Variants in GRIP1 observed in about 807,000 individuals in gnomAD.
The protein encoded by GRIP1 is glutamate receptor-interacting protein 1.
In GRIP1, 45 loss-of-function variants were observed where a neutral mutation model predicts 129.9. That is an observed-to-expected ratio of 0.35 (90% CI 0.27 to 0.44). The LOEUF is 0.44. GRIP1 is among the 20% of genes least tolerant of loss of function. The probability of loss-of-function intolerance (pLI) is 1.00; values close to 1 mark genes in which losing one functional copy is unlikely to be tolerated. For synonymous variants in GRIP1, 530 were observed against 520.8 expected (o/e 1.02, Z -0.24); for missense variants, 1,196 against 1,396.8 (o/e 0.86, Z 2.29).
intron 1 of GRIP1, among the ~76,000 whole-genome samples, chr12:66,938,864 G>A (rs762888570): frequency 6.6e-6 from 1 of 152,200 alleles, no homozygotes; most frequent in Non-Finnish European, 1.5e-5. Context: ...GGCTGAGGCA[G>A]GAGAATTGCT....
chr12:66,817,828 A>T (rs1241182197), intron 1 of GRIP1, among the ~76,000 whole-genome samples: 1 of 152,234 alleles, frequency 6.6e-6, no homozygotes, highest in African/African-American at 2.4e-5. Context: ...AAAAATGCCT[A>T]AGACAGGCAT....
chr12:66,524,264 C>T (rs1327170047), intron 5 of GRIP1, among the ~76,000 whole-genome samples: 1 of 152,152 alleles, frequency 6.6e-6, no homozygotes, highest in Non-Finnish European at 1.5e-5. Flanking sequence ...CCAAAATTGA[C>T]CACATAGTTG....
intron 14 of GRIP1, among the ~76,000 whole-genome samples, chr12:66,422,617 T>G (rs2057846477): frequency 6.6e-6 from 1 of 152,184 alleles, no homozygotes; most frequent in Non-Finnish European, 1.5e-5. Context: ...AAATGGTCTG[T>G]AAAACCAAAC....
chr12:66,836,796 A>G (rs966373078), intron 1 of GRIP1, among the ~76,000 whole-genome samples: 2 of 152,218 alleles, frequency 1.3e-5, no homozygotes, highest in African/African-American at 4.8e-5. Context: ...GGCCTCATTT[A>G]CAGGCTGGCA....
chr12:66,541,163 G>A (rs1358222592), intron 3 of GRIP1, among the ~76,000 whole-genome samples: 4 of 152,060 alleles, frequency 2.6e-5, no homozygotes, highest in Non-Finnish European at 5.9e-5. Context: ...TTCTGAGGCA[G>A]ATTTAGAATG....
intron 1 of GRIP1, among the ~76,000 whole-genome samples, chr12:66,651,449 AT>A (rs1389067275): frequency 1.3e-5 from 2 of 152,230 alleles, no homozygotes; most frequent in Non-Finnish European, 2.9e-5. Flanking sequence ...TCCCGATGTC[AT>A]TTAGCTTTTT....
At chr12:66,771,271 ACT>A (rs1281289547) in intron 1 of GRIP1, among the ~76,000 whole-genome samples, 1 of 152,092 alleles carries the variant, frequency 6.6e-6, no homozygotes, top group Non-Finnish European at 1.5e-5. Flanking sequence ...TAATGATGAT[ACT>A]CTTATTCTCA....
intron 9 of GRIP1, among the ~76,000 whole-genome samples, chr12:66,462,141 T>C (rs2059154231): frequency 6.6e-6 from 1 of 152,214 alleles, no homozygotes; most frequent in Non-Finnish European, 1.5e-5. Flanking sequence ...CACTTTCTAT[T>C]GAATAAATGG....
At chr12:66,520,021 T>TTCTA (rs1275883263) in intron 5 of GRIP1, among the ~76,000 whole-genome samples, 15 of 152,330 alleles carry the variant, frequency 9.8e-5, no homozygotes, top group African/African-American at 3.4e-4. Flanking sequence ...GAATAAAGGT[T>TTCTA]TTAGAACCTG....
chr12:66,486,619 A>G (rs12579785), intron 7 of GRIP1, among the ~76,000 whole-genome samples: 5,935 of 152,116 alleles, frequency 0.039, 282 homozygotes, highest in East Asian at 0.12. Context: ...TCCACTTAAG[A>G]TGGGACTTGC....
chr12:66,586,824 C>T lies in GRIP1; in HGVS notation c.136+10023G>A, dbSNP rs573666774. On this transcript the variant is annotated intron_variant, in intron 2 of 24. Transcript: ENST00000359742. Reference sequence around the variant, plus strand: ...TCTAAGCCATCATCATTTCTTGCCTCAAATACTGTGGCAGCCTGCTAACTG... The same window carrying T: ...TCTAAGCCATCATCATTTCTTGCCTTAAATACTGTGGCAGCCTGCTAACTG... 4.6e-5 allele frequency among the ~76,000 whole-genome samples: 7 copies of T among 152,314 alleles called. No homozygotes were observed. In the South Asian group the frequency reaches 1.5e-3, roughly 32 times the overall value.
At chr12:66,516,673 T>C (rs2060852997) in intron 6 of GRIP1, among the ~76,000 whole-genome samples, 1 of 152,084 alleles carries the variant, frequency 6.6e-6, no homozygotes. Context: ...TAATAAGAAA[T>C]GAAAACATTC....
At position 66,401,598 on chromosome 12, in the gene GRIP1, G is replaced by GTATATATATATATATATA. The variant is rs1555177931; in HGVS notation, c.1984+4684_1984+4685insTATATATATATATATATA. ...CCGTCTCAAAAAAAAAAATATGTGT[G>GTATATATATATATATATA]TATATATATATACACACACACACAC... On this transcript the variant is annotated intron_variant, in intron 16 of 24. Transcript: ENST00000359742. Among the ~76,000 whole-genome samples, 23 of 66,268 alleles carry GTATATATATATATATATA rather than the reference G, an allele frequency of 3.5e-4. 1 individual carries two copies. The highest frequency in any genetic ancestry group is 2.6e-3 in the South Asian group (4 of 1,564). The allele number at this position is 66,268 out of a possible 152,430, so 43.5% of individuals were successfully genotyped here.
At chr12:66,580,865 C>A (rs1166213733) in intron 2 of GRIP1, among the ~76,000 whole-genome samples, 1 of 151,816 alleles carries the variant, frequency 6.6e-6, no homozygotes, top group Non-Finnish European at 1.5e-5. Flanking sequence ...AGAAAGTCAA[C>A]AAGGATACCC....
At chr12:66,624,404 G>C (rs556217355) in intron 1 of GRIP1, among the ~76,000 whole-genome samples, 3 of 152,126 alleles carry the variant, frequency 2.0e-5, no homozygotes, top group African/African-American at 7.2e-5. Flanking sequence ...AATCCCTAAA[G>C]AGAGAAAAAA....
chr12:66,961,595 G>A (rs1592396771), intron 1 of GRIP1, among the ~76,000 whole-genome samples: 1 of 152,054 alleles, frequency 6.6e-6, no homozygotes, highest in South Asian at 2.1e-4. Context: ...AGTTTGGGAA[G>A]TTCAGAAGGA....
At chr12:67,055,911 G>C (rs2043427452) in intron 1 of GRIP1, among the ~76,000 whole-genome samples, 1 of 152,120 alleles carries the variant, frequency 6.6e-6, no homozygotes, top group African/African-American at 2.4e-5. Context: ...ACATGGAACT[G>C]AGAAACCAAG....
At chr12:66,454,877 T>C (rs1310298605) in intron 11 of GRIP1, among the ~76,000 whole-genome samples, 1 of 152,202 alleles carries the variant, frequency 6.6e-6, no homozygotes, top group Non-Finnish European at 1.5e-5. Context: ...GAATGAGATA[T>C]AGTTTAAAAG....
intron 1 of GRIP1, among the ~76,000 whole-genome samples, chr12:67,004,799 T>A (rs1290459977): frequency 1.3e-5 from 2 of 152,164 alleles, no homozygotes; most frequent in African/African-American, 4.8e-5. Flanking sequence ...GGAACGGAAT[T>A]CATTTTGAGA....
Sources: gnomAD v4.1 joint callset for allele counts (sites outside exome capture counted in the v4.1 genomes callset) on GRCh38, gnomAD v4.1.1 for gene constraint, MANE v1.5 for transcripts, NCBI Gene and HGNC (gene_info 2026-07-23, HGNC 2026-07-21) for gene names.